The following IFT43 variants were observed in gnomAD, a reference collection of about 807,000 sequenced individuals.
The protein encoded by IFT43 is intraflagellar transport 43.
Under a neutral mutation model 32.3 loss-of-function variants are expected in IFT43, and 33 were observed. The observed-to-expected ratio is 1.02, with a 90% CI of 0.77 to 1.37. IFT43 has a LOEUF of 1.37. Among genes scored for constraint, IFT43 ranks in the 40% most tolerant of loss-of-function variants. The probability of loss-of-function intolerance (pLI) is 0.00; values close to 1 mark genes in which losing one functional copy is unlikely to be tolerated. For synonymous variants in IFT43, 93 were observed against 98.2 expected, an observed-to-expected ratio of 0.95 and a Z score of 0.31; for missense variants, 274 against 265.9, an observed-to-expected ratio of 1.03 and a Z score of -0.21.
At chr14:76,053,617 C>T (rs997587828) in intron 3 of IFT43, among the ~76,000 whole-genome samples, 1 of 152,174 alleles carries the variant, frequency 6.6e-6, no homozygotes, top group Non-Finnish European at 1.5e-5. Flanking sequence ...AGTCTTTGCT[C>T]CCTCACCCTG....
chr14:75,999,247 A>ATATAAATTCATTT lies in IFT43; in HGVS notation c.147+10274_147+10275insAATTCATTTTATA, dbSNP rs1566699239. 8.7e-3 allele frequency among the ~76,000 whole-genome samples: 517 copies of ATATAAATTCATTT among 59,282 alleles called. 3 individuals carry two copies. The highest frequency in any genetic ancestry group is 0.011 in the Non-Finnish European group (431 of 38,136). 38.9% of individuals were successfully genotyped at this position (59,282 alleles called of 152,430 possible). On this transcript the variant is annotated intron_variant, in intron 2 of 8. Transcript: ENST00000314067. The stretch of plus-strand genomic sequence containing the variant: ...TCATTTTATATATATATATATATAT[A>ATATAAATTCATTT]TATATATATATATATATATATATAT...
intron 2 of IFT43, among the ~76,000 whole-genome samples, chr14:76,001,697 AG>A (rs1274030066): frequency 2.0e-5 from 3 of 152,190 alleles, no homozygotes; most frequent in African/African-American, 7.2e-5. Context: ...CCACAGAGTG[AG>A]TAATTTATGA....
intron 5 of IFT43, chr14:76,076,444 C>T (rs1322153232): frequency 3.6e-6 from 2 of 550,814 alleles, no homozygotes; most frequent in Non-Finnish European, 4.6e-6. Context: ...TGAGGCATCT[C>T]TGCCTGGGTG....
At chr14:76,007,628 A>G (rs1043076179) in intron 2 of IFT43, among the ~76,000 whole-genome samples, 8 of 152,192 alleles carry the variant, frequency 5.3e-5, no homozygotes, top group Non-Finnish European at 1.2e-4. Flanking sequence ...TACACCTTCA[A>G]TATTATGCAC....
chr14:75,996,834 T>G (rs2035756331), intron 2 of IFT43, among the ~76,000 whole-genome samples: 1 of 152,164 alleles, frequency 6.6e-6, no homozygotes, highest in South Asian at 2.1e-4. Flanking sequence ...TCAGTTACCT[T>G]GGAAAAAAGG....
chr14:76,059,390 G>A lies in IFT43; in HGVS notation c.295+17G>A, dbSNP rs2037087999. On this transcript the variant is annotated intron_variant, in intron 5 of 8. Coordinates refer to ENST00000314067, the MANE Select transcript of IFT43 (RefSeq NM_001102564.3). ...ATGGAGGAGGTAAGAGGCCCTTGGAGGAAGTCAAAAGGTCTTCTAGAGAGG... is the reference window on the plus strand; with the variant it reads ...ATGGAGGAGGTAAGAGGCCCTTGGAAGAAGTCAAAAGGTCTTCTAGAGAGG... The A allele has an allele frequency of 6.2e-7, 1 of 1,613,376 alleles. No homozygotes were observed. The highest frequency in any genetic ancestry group is 8.5e-7 in the Non-Finnish European group (1 of 1,179,348).
intron 3 of IFT43, among the ~76,000 whole-genome samples, chr14:76,033,758 G>A (rs1421578945): frequency 7.9e-5 from 12 of 152,212 alleles, no homozygotes; most frequent in East Asian, 7.7e-4. Context: ...TTCCTGTCCC[G>A]CAAGAGCTCA....
chr14:75,989,685 A>G (rs1566693360), intron 2 of IFT43, among the ~76,000 whole-genome samples: 1 of 152,158 alleles, frequency 6.6e-6, no homozygotes, highest in South Asian at 2.1e-4. Context: ...TTGTGAACAT[A>G]TGCCATTATA....
intron 2 of IFT43, among the ~76,000 whole-genome samples, chr14:75,999,250 T>C (rs1316499050): frequency 3.8e-4 from 3 of 7,982 alleles, no homozygotes; most frequent in Non-Finnish European, 5.5e-4. Flanking sequence ...TATATATATA[T>C]ATATATATAT....
At chr14:76,024,491 A>C (rs1407797423) in intron 3 of IFT43, among the ~76,000 whole-genome samples, 2 of 152,250 alleles carry the variant, frequency 1.3e-5, no homozygotes, top group Non-Finnish European at 2.9e-5. Context: ...TGGGGAAGTT[A>C]CTTAACCCTG....
chr14:76,004,798 C>G (rs979502679), intron 2 of IFT43, among the ~76,000 whole-genome samples: 1 of 152,084 alleles, frequency 6.6e-6, no homozygotes, highest in Non-Finnish European at 1.5e-5. Flanking sequence ...TTTAAGTTCA[C>G]TGATGATTTT....
At chr14:76,079,583 G>C (rs770013136) in intron 5 of IFT43, among the ~76,000 whole-genome samples, 21 of 152,258 alleles carry the variant, frequency 1.4e-4, no homozygotes, top group Admixed American at 3.3e-4. Flanking sequence ...GTTCTACATG[G>C]CATGCCCCTG....
intron 3 of IFT43, among the ~76,000 whole-genome samples, chr14:76,047,803 G>C (rs1308617199): frequency 6.6e-6 from 1 of 151,474 alleles, no homozygotes; most frequent in Non-Finnish European, 1.5e-5. Context: ...GATTTTTAGG[G>C]CTGGATAAAC....
At chr14:75,994,140 T>A (rs1289288562) in intron 2 of IFT43, among the ~76,000 whole-genome samples, 5 of 151,464 alleles carry the variant, frequency 3.3e-5, no homozygotes, top group African/African-American at 1.2e-4. Context: ...GAAGAGAAAA[T>A]TATTTTAGCT....
intron 3 of IFT43, among the ~76,000 whole-genome samples, chr14:76,054,320 A>G (rs937824665): frequency 3.3e-5 from 5 of 152,246 alleles, no homozygotes; most frequent in African/African-American, 1.2e-4. Flanking sequence ...AGAGGAAGTC[A>G]AGAAGGGACC....
intron 3 of IFT43, among the ~76,000 whole-genome samples, chr14:76,029,548 A>G (rs1380418333): frequency 6.6e-6 from 1 of 152,210 alleles, no homozygotes; most frequent in Admixed American, 6.5e-5. Flanking sequence ...GCTGACATCC[A>G]GAAGGATATT....
intron 3 of IFT43, among the ~76,000 whole-genome samples, chr14:76,051,218 C>A (rs531883348): frequency 7.2e-4 from 105 of 146,518 alleles, no homozygotes; most frequent in African/African-American, 2.6e-3. Context: ...TGGTACCTAG[C>A]GGCATATACT....
intron 2 of IFT43, among the ~76,000 whole-genome samples, chr14:76,020,544 A>G (rs952788907): frequency 2.6e-5 from 4 of 151,454 alleles, no homozygotes; most frequent in Non-Finnish European, 2.9e-5. Flanking sequence ...AGATGTATCT[A>G]TGGTGTTGGT....
At chr14:76,001,465 C>T (rs746129420) in intron 2 of IFT43, among the ~76,000 whole-genome samples, 1 of 152,046 alleles carries the variant, frequency 6.6e-6, no homozygotes, top group Non-Finnish European at 1.5e-5. Context: ...TGCAGGCATG[C>T]GATATAGATT....
Sources: gnomAD v4.1 joint callset for allele counts (sites outside exome capture counted in the v4.1 genomes callset) on GRCh38, gnomAD v4.1.1 for gene constraint, MANE v1.5 for transcripts, NCBI Gene and HGNC (gene_info 2026-07-23, HGNC 2026-07-21) for gene names.